Variants in RSRC1 observed in about 807,000 individuals in gnomAD.
The protein encoded by RSRC1 is serine/Arginine-related protein 53.
A neutral mutation model predicts 49.1 loss-of-function variants in RSRC1; 39 were observed. The observed-to-expected ratio is 0.79, with a 90% CI of 0.61 to 1.04. The LOEUF (loss-of-function observed/expected upper bound fraction) is 1.04. RSRC1 is among the 50% of genes least tolerant of loss of function. The pLI is 0.00. For missense variants in RSRC1, 388 were observed against 402.4 expected (o/e 0.96, Z 0.31); for synonymous variants, 143 against 130.8 (o/e 1.09, Z -0.63).
chr3:158,246,749 C>T (rs1723923952), intron 4 of RSRC1, among the ~76,000 whole-genome samples: 1 of 152,100 alleles, frequency 6.6e-6, no homozygotes, highest in Admixed American at 6.6e-5. Context: ...CTGAGAGGTC[C>T]ACCGATAGTC....
At chr3:158,262,134 G>A (rs905830824) in intron 4 of RSRC1, among the ~76,000 whole-genome samples, 36 of 152,080 alleles carry the variant, frequency 2.4e-4, no homozygotes, top group Admixed American at 1.5e-3. Flanking sequence ...TTTATTTTGA[G>A]GAAGTCTAGT....
In RSRC1 at chr3:158,122,172, G is replaced by A. The variant is rs747602206; in HGVS notation, c.68G>A (p.Arg23Gln). ...AAGAGAAAAAAGAAACACCGTAGAC[G>A]GTCCTCCTCGAGCAGTTCTTCAGAT... Reference protein sequence around the residue: ...RSKRKKKHRRRSSSSSSSDSR... With the variant: ...RSKRKKKHRRQSSSSSSSDSR... Residue 23 changes from arginine (R) to glutamine (Q), a missense_variant, in exon 2 of 10, where the codon CGG becomes CAG. Coordinates refer to ENST00000611884, the MANE Select transcript of RSRC1 (RefSeq NM_001271838.2). The A allele has an allele frequency of 3.3e-5, 52 of 1,598,012 alleles. No individual in the cohort carries two copies. The highest frequency in any genetic ancestry group is 9.2e-5 in the East Asian group (4 of 43,492).
chr3:158,386,482 C>T lies in RSRC1; in HGVS notation c.583+31574C>T, dbSNP rs1036922354. 1.3e-5 allele frequency among the ~76,000 whole-genome samples: 2 copies of T among 152,032 alleles called. 1 individual carries two copies. The highest frequency in any genetic ancestry group is 6.4e-3 in the Middle Eastern group (2 of 312). On this transcript the variant is annotated intron_variant, in intron 6 of 9. Transcript: ENST00000611884. ...CAAGATTTCCACCTTAAAAAAAGCT[C>T]TTTAATAGACGAATATAGCTAAACC...
chr3:158,472,467 T>A (rs1338147134), intron 7 of RSRC1, among the ~76,000 whole-genome samples: 2 of 152,102 alleles, frequency 1.3e-5, no homozygotes, highest in Admixed American at 1.3e-4. Flanking sequence ...CATTTCCAAA[T>A]TTTTTTCTGA....
chr3:158,175,005 T>A (rs1483302359), intron 3 of RSRC1, among the ~76,000 whole-genome samples: 2 of 152,128 alleles, frequency 1.3e-5, no homozygotes, highest in Non-Finnish European at 2.9e-5. Context: ...AATTAGGCTT[T>A]AGCTATTCTG....
intron 4 of RSRC1, among the ~76,000 whole-genome samples, chr3:158,272,197 C>A (rs930394773): frequency 6.6e-6 from 1 of 152,048 alleles, no homozygotes; most frequent in Non-Finnish European, 1.5e-5. Flanking sequence ...CCCTGCACAA[C>A]TTTTTGTGTG....
intron 4 of RSRC1, among the ~76,000 whole-genome samples, chr3:158,218,308 G>A (rs1425254042): frequency 6.6e-6 from 1 of 151,632 alleles, no homozygotes; most frequent in Non-Finnish European, 1.5e-5. Flanking sequence ...CAGATAAGTA[G>A]CACAGTAATC....
chr3:158,144,241 C>G (rs984231824), intron 3 of RSRC1, among the ~76,000 whole-genome samples: 4 of 152,102 alleles, frequency 2.6e-5, no homozygotes, highest in African/African-American at 9.7e-5. Context: ...CCCATTAACT[C>G]GTCATTTACA....
At chr3:158,143,873 G>A (rs1174353352) in intron 3 of RSRC1, among the ~76,000 whole-genome samples, 1 of 152,078 alleles carries the variant, frequency 6.6e-6, no homozygotes, top group East Asian at 1.9e-4. Flanking sequence ...ATCATTAATG[G>A]TAAATGTCTG....
At chr3:158,438,735 T>A (rs1449554289) in intron 6 of RSRC1, among the ~76,000 whole-genome samples, 4 of 151,712 alleles carry the variant, frequency 2.6e-5, no homozygotes, top group East Asian at 2.0e-4. Flanking sequence ...AACCTAGGCA[T>A]TACCATTCAG....
chr3:158,434,140 C>T (rs1040537464), intron 6 of RSRC1, among the ~76,000 whole-genome samples: 1 of 152,020 alleles, frequency 6.6e-6, no homozygotes, highest in Admixed American at 6.6e-5. Flanking sequence ...GAGGCCATTC[C>T]CTTTCAGCTC....
Position 158,217,129 on chromosome 3 carries a change from A to T in RSRC1, c.494+13884A>T, listed in dbSNP as rs148526750. On this transcript the variant is annotated intron_variant, in intron 4 of 9. Coordinates refer to ENST00000611884, the MANE Select transcript of RSRC1 (RefSeq NM_001271838.2). ...TCCCCACCAAGAGGAGAATTAAAAG[A>T]TGTGATCAAAGTTGTATGTACCTTC... is the stretch of plus-strand genomic sequence containing the variant. Among the ~76,000 whole-genome samples, 21 of 151,798 alleles carry T rather than the reference A, an allele frequency of 1.4e-4. 1 individual carries two copies. The East Asian group carries it at 4.1e-3, about 30-fold the overall frequency.
intron 7 of RSRC1, among the ~76,000 whole-genome samples, chr3:158,477,687 T>C (rs1738425650): frequency 1.3e-5 from 2 of 151,074 alleles, no homozygotes; most frequent in Non-Finnish European, 2.9e-5. Flanking sequence ...TAGTGTGATG[T>C]TCTGGAACCA....
intron 5 of RSRC1, among the ~76,000 whole-genome samples, chr3:158,310,112 T>C (rs1391064966): frequency 6.6e-6 from 1 of 151,694 alleles, no homozygotes; most frequent in Middle Eastern, 3.2e-3. Flanking sequence ...AGGTAAGATA[T>C]GCTTATAAAT....
intron 7 of RSRC1, among the ~76,000 whole-genome samples, chr3:158,527,782 C>T (rs116162897): frequency 0.017 from 2,571 of 151,882 alleles, 75 homozygotes; most frequent in African/African-American, 0.059. Flanking sequence ...AGTAGCTGTT[C>T]CACCCTTGCA....
At chr3:158,399,321 AT>A in intron 6 of RSRC1, among the ~76,000 whole-genome samples, 1 of 77,686 alleles carries the variant, frequency 1.3e-5, no homozygotes, top group Non-Finnish European at 2.6e-5. Flanking sequence ...CGCCCGGCTA[AT>A]TTTTTTTGTA....
At chr3:158,493,105 A>C (rs1024546566) in intron 7 of RSRC1, among the ~76,000 whole-genome samples, 6 of 152,164 alleles carry the variant, frequency 3.9e-5, no homozygotes, top group African/African-American at 1.4e-4. Flanking sequence ...AATCTTAAGT[A>C]GGGTCACAGA....
chr3:158,358,028 G>A (rs980252171), intron 6 of RSRC1, among the ~76,000 whole-genome samples: 4 of 152,086 alleles, frequency 2.6e-5, no homozygotes, highest in Non-Finnish European at 5.9e-5. Context: ...AATGTTATTG[G>A]TTTGGAATTA....
chr3:158,532,954 C>T (rs1487247336), intron 7 of RSRC1, among the ~76,000 whole-genome samples: 1 of 151,612 alleles, frequency 6.6e-6, no homozygotes, highest in South Asian at 2.1e-4. Context: ...ATCACATTTT[C>T]CCAATCTTAA....
Sources: allele counts gnomAD v4.1 joint callset (sites outside exome capture counted in the v4.1 genomes callset), GRCh38; gene constraint gnomAD v4.1.1; transcripts MANE v1.5; gene names NCBI Gene and HGNC (gene_info 2026-07-23, HGNC 2026-07-21).